Variants in HUNK observed in about 807,000 individuals in gnomAD.
HUNK encodes hormonally up-regulated Neu-associated kinase.
HUNK carries 21 observed loss-of-function variants against 61.0 expected under a neutral mutation model. The observed-to-expected ratio is 0.34, with a 90% CI of 0.24 to 0.50. The LOEUF (loss-of-function observed/expected upper bound fraction) is 0.50, where lower values mean the gene tolerates loss of function less well. Among genes scored for constraint, HUNK ranks in the 20% least tolerant of loss-of-function variants. The pLI, the probability that HUNK is intolerant of heterozygous loss-of-function variation, is 0.98. For missense variants in HUNK, 772 were observed against 945.7 expected (o/e 0.82, Z 2.41); for synonymous variants, 371 against 386.1 (o/e 0.96, Z 0.46).
chr21:31,909,435 G>A (rs1450765208), intron 1 of HUNK, among the ~76,000 whole-genome samples: 7 of 152,170 alleles, frequency 4.6e-5, no homozygotes, highest in Non-Finnish European at 8.8e-5. Context: ...GCCCTGCGTT[G>A]GGAGCTGCCA....
rs771380358 is a variant in HUNK at position 31,958,829 on chromosome 21, G to A, written c.747-14G>A. ...GACCTGACTCCGCTTTCATGTGTAT[G>A]TCTCTCTTTTCAGAGGTGTGAACAT... On this transcript the variant is annotated splice_polypyrimidine_tract_variant and intron_variant, in intron 4 of 10. Transcript: ENST00000270112. The A allele has an allele frequency of 2.5e-6, 4 of 1,579,446 alleles. No homozygotes were observed. The highest frequency in any genetic ancestry group is 2.3e-5 in the East Asian group (1 of 44,048).
At chr21:31,948,337 A>G (rs767027547) in intron 4 of HUNK, among the ~76,000 whole-genome samples, 1 of 152,182 alleles carries the variant, frequency 6.6e-6, no homozygotes, top group African/African-American at 2.4e-5. Flanking sequence ...TTACATGCAC[A>G]GTTCCTTCGG....
At chr21:31,880,510 CG>C (rs2052298657) in intron 1 of HUNK, among the ~76,000 whole-genome samples, 1 of 152,166 alleles carries the variant, frequency 6.6e-6, no homozygotes, top group Non-Finnish European at 1.5e-5. Context: ...ATGACTGCAG[CG>C]CTCTGTCTCT....
chr21:31,897,187 G>A (rs928363066), intron 1 of HUNK, among the ~76,000 whole-genome samples: 10 of 151,874 alleles, frequency 6.6e-5, no homozygotes, highest in Admixed American at 2.6e-4. Flanking sequence ...TGGAGGCTGC[G>A]GTGAGCCGAG....
At chr21:31,966,757 G>GA (rs2052969594) in intron 5 of HUNK, among the ~76,000 whole-genome samples, 1 of 152,054 alleles carries the variant, frequency 6.6e-6, no homozygotes, top group African/African-American at 2.4e-5. Flanking sequence ...TTAGAAAACT[G>GA]AAAAAATAAC....
chr21:31,925,596 C>CA (rs2052654245), intron 2 of HUNK, among the ~76,000 whole-genome samples: 1 of 152,194 alleles, frequency 6.6e-6, no homozygotes, highest in Non-Finnish European at 1.5e-5. Context: ...GAATTTTGAA[C>CA]TTGCCCTTGA....
At chr21:31,946,818 T>C (rs1223734196) in intron 4 of HUNK, among the ~76,000 whole-genome samples, 1 of 152,234 alleles carries the variant, frequency 6.6e-6, no homozygotes, top group Admixed American at 6.5e-5. Flanking sequence ...TTTCACCATG[T>C]TGGCCAGGCT....
chr21:31,921,052 T>C (rs948112575), intron 1 of HUNK, among the ~76,000 whole-genome samples: 4 of 147,810 alleles, frequency 2.7e-5, no homozygotes, highest in Admixed American at 2.1e-4. Flanking sequence ...CTCAGGAGGC[T>C]GAGGCAGGAG....
At chr21:31,970,777 T>C (rs1347684809) in intron 6 of HUNK, among the ~76,000 whole-genome samples, 1 of 152,192 alleles carries the variant, frequency 6.6e-6, no homozygotes, top group Non-Finnish European at 1.5e-5. Flanking sequence ...TTTGTAGCTT[T>C]CCCACAGTTT....
chr21:31,882,136 G>T (rs1476826821), intron 1 of HUNK, among the ~76,000 whole-genome samples: 1 of 152,030 alleles, frequency 6.6e-6, no homozygotes, highest in African/African-American at 2.4e-5. Flanking sequence ...GATTTTTGAT[G>T]AGTAGAGTAA....
intron 9 of HUNK, among the ~76,000 whole-genome samples, chr21:31,994,172 G>A (rs1251457202): frequency 6.6e-6 from 1 of 152,224 alleles, no homozygotes; most frequent in Non-Finnish European, 1.5e-5. Flanking sequence ...AGCTGTGAAG[G>A]TGCTGAGGAG....
At chr21:31,916,266 G>C (rs2052582283) in intron 1 of HUNK, among the ~76,000 whole-genome samples, 1 of 151,702 alleles carries the variant, frequency 6.6e-6, no homozygotes, top group Non-Finnish European at 1.5e-5. Context: ...TAGCCAGGAT[G>C]GTCTCGATCT....
intron 1 of HUNK, among the ~76,000 whole-genome samples, chr21:31,889,440 T>C (rs1406222462): frequency 6.6e-6 from 1 of 152,252 alleles, no homozygotes; most frequent in Non-Finnish European, 1.5e-5. Flanking sequence ...TGGTTTTTAG[T>C]TGGAATTACT....
intron 1 of HUNK, among the ~76,000 whole-genome samples, chr21:31,913,730 G>C (rs1046908723): frequency 1.3e-5 from 2 of 151,890 alleles, no homozygotes; most frequent in Non-Finnish European, 2.9e-5. Flanking sequence ...TGGAGGGGTG[G>C]ACGCGTGCCT....
At chr21:31,890,716 A>T (rs1386688995) in intron 1 of HUNK, among the ~76,000 whole-genome samples, 1 of 152,156 alleles carries the variant, frequency 6.6e-6, no homozygotes, top group African/African-American at 2.4e-5. Flanking sequence ...TAACATAAAT[A>T]CTTGGAAGGC....
At chr21:31,932,477 G>A (rs754828225) in intron 2 of HUNK, among the ~76,000 whole-genome samples, 7 of 152,166 alleles carry the variant, frequency 4.6e-5, no homozygotes, top group African/African-American at 1.2e-4. Context: ...TGCTTGGTAG[G>A]CTGTGGGGGA....
At chr21:31,964,524 A>G (rs1343375134) in intron 5 of HUNK, among the ~76,000 whole-genome samples, 1 of 152,154 alleles carries the variant, frequency 6.6e-6, no homozygotes, top group African/African-American at 2.4e-5. Context: ...CTATTTTTCC[A>G]GGCTTCAGTG....
At chr21:31,932,262 G>C (rs1004673899) in intron 2 of HUNK, among the ~76,000 whole-genome samples, 7 of 152,162 alleles carry the variant, frequency 4.6e-5, no homozygotes, top group Non-Finnish European at 8.8e-5. Flanking sequence ...GGTTGGAGCA[G>C]CTGCCTTTCT....
chr21:31,968,117 C>A, intron 5 of HUNK, 133 bp from the exon 6 acceptor site: 1 of 1,057,156 alleles, frequency 9.5e-7, no homozygotes, highest in Non-Finnish European at 1.4e-6. Flanking sequence ...TGCCCAGAGA[C>A]CTAGAGAAGA....
Sources: allele counts gnomAD v4.1 joint callset (sites outside exome capture counted in the v4.1 genomes callset), GRCh38; gene constraint gnomAD v4.1.1; transcripts MANE v1.5; gene names NCBI Gene and HGNC (gene_info 2026-07-23, HGNC 2026-07-21).